APBA2: variants seen among roughly 807,000 people sequenced by gnomAD.
APBA2 encodes amyloid-beta A4 precursor protein-binding family A member 2.
APBA2 carries 30 observed loss-of-function variants against 75.0 expected under a neutral mutation model. The ratio of observed to expected loss-of-function variants is 0.40; its 90% CI spans 0.30 to 0.54. APBA2 has a LOEUF of 0.54. Ranked by LOEUF, APBA2 falls within the 20% of genes least tolerant of loss-of-function variation. The probability of loss-of-function intolerance (pLI) is 0.49; values close to 1 mark genes in which losing one functional copy is unlikely to be tolerated. For synonymous variants in APBA2, 444 were observed against 409.6 expected, an observed-to-expected ratio of 1.08 and a Z score of -1.01; for missense variants, 801 against 1,016.1, an observed-to-expected ratio of 0.79 and a Z score of 2.88.
chr15:28,941,273 C>G (rs892330546), intron 2 of APBA2, among the ~76,000 whole-genome samples: 6 of 152,096 alleles, frequency 3.9e-5, no homozygotes, highest in Admixed American at 6.6e-5. Context: ...GCTGGTGGCC[C>G]TGGGGCCTGC....
At chr15:29,116,415 G>A (rs111258309) in intron 14 of APBA2, among the ~76,000 whole-genome samples, 6,824 of 151,932 alleles carry the variant, frequency 0.045, 498 homozygotes, top group African/African-American at 0.15. Flanking sequence ...TCACGAGGTC[G>A]GGAGATTGAG....
At chr15:29,023,441 CTTTTTTTTTTTT>C (rs10604525) in intron 3 of APBA2, among the ~76,000 whole-genome samples, 899 of 73,266 alleles carry the variant, frequency 0.012, 7 homozygotes, top group Non-Finnish European at 0.018. Context: ...TACCTTTTTC[CTTTTTTTTTTTT>C]TTTTTTTTTT....
intron 3 of APBA2, among the ~76,000 whole-genome samples, chr15:29,022,329 C>T (rs1406194760): frequency 6.6e-6 from 1 of 152,172 alleles, no homozygotes; most frequent in Admixed American, 6.5e-5. Context: ...TTGATACTAG[C>T]CATTCTTACA....
At chr15:29,045,069 TTCTCTCTCTCTCTC>T (rs1555399868) in intron 3 of APBA2, among the ~76,000 whole-genome samples, 13 of 82,866 alleles carry the variant, frequency 1.6e-4, no homozygotes, top group Non-Finnish European at 2.0e-4. Context: ...CCCTCCCTCC[TTCTCTCTCTCTCTC>T]TCTCTCTCTC....
intron 1 of APBA2, chr15:28,894,169 C>T (rs1005369763): frequency 1.3e-5 from 2 of 152,272 alleles, no homozygotes; most frequent in Non-Finnish European, 2.9e-5. Flanking sequence ...TCCTTTGACA[C>T]TCAAGGACTC....
intron 1 of APBA2, among the ~76,000 whole-genome samples, chr15:28,909,960 C>A (rs2033351386): frequency 1.3e-5 from 2 of 152,062 alleles, no homozygotes; most frequent in African/African-American, 4.8e-5. Context: ...TGTACCAGAG[C>A]CGGGGAGGTC....
At position 28,963,362 on chromosome 15, in the gene APBA2, G is replaced by C. The variant is rs531286390; in HGVS notation, c.-94-32391G>C. Reference sequence around the variant, plus strand: ...GGGCATTGTTGAAGATCCTCAGCCAGTGAGGCGCCTTCCCTGTGCCCAGCA... The same window carrying C: ...GGGCATTGTTGAAGATCCTCAGCCACTGAGGCGCCTTCCCTGTGCCCAGCA... On this transcript the variant is annotated intron_variant, in intron 2 of 14. Transcript: ENST00000683413. Among the ~76,000 whole-genome samples, 570 of 152,352 alleles carry C rather than the reference G, an allele frequency of 3.7e-3. 1 individual carries two copies. Among genetic ancestry groups the C allele is most frequent in the Non-Finnish European group, 5.8e-3 (392 of 68,032 alleles).
intron 6 of APBA2, among the ~76,000 whole-genome samples, chr15:29,089,601 A>G (rs1384712643): frequency 1.3e-5 from 2 of 152,080 alleles, no homozygotes; most frequent in Non-Finnish European, 2.9e-5. Context: ...ATTTTCTTCA[A>G]AGGTGGCAGG....
At chr15:28,968,562 A>AT (rs1336898162) in intron 2 of APBA2, among the ~76,000 whole-genome samples, 2 of 152,158 alleles carry the variant, frequency 1.3e-5, no homozygotes, top group African/African-American at 4.8e-5. Context: ...CTTTCGCAGG[A>AT]TTAGAGGAAG....
At chr15:28,923,287 G>A (rs1207894777) in intron 2 of APBA2, among the ~76,000 whole-genome samples, 1 of 151,986 alleles carries the variant, frequency 6.6e-6, no homozygotes, top group Non-Finnish European at 1.5e-5. Context: ...TTCTTCCTCT[G>A]GATTTATCTC....
At chr15:28,966,951 C>T (rs1260763254) in intron 2 of APBA2, among the ~76,000 whole-genome samples, 4 of 152,138 alleles carry the variant, frequency 2.6e-5, no homozygotes, top group Non-Finnish European at 5.9e-5. Flanking sequence ...GTATTTCCTC[C>T]GTATCCACTG....
intron 2 of APBA2, among the ~76,000 whole-genome samples, chr15:28,939,731 A>G (rs759890385): frequency 1.3e-5 from 2 of 152,210 alleles, no homozygotes; most frequent in African/African-American, 4.8e-5. Context: ...GCCAAGGGTC[A>G]CTGCCTTCCC....
chr15:28,909,433 G>A (rs979190977), intron 1 of APBA2, among the ~76,000 whole-genome samples: 5 of 152,190 alleles, frequency 3.3e-5, no homozygotes, highest in African/African-American at 9.7e-5. Flanking sequence ...TGTAGCATGC[G>A]TCAGAACTTC....
At chr15:29,100,657 C>G (rs1699453429) in intron 9 of APBA2, among the ~76,000 whole-genome samples, 1 of 152,200 alleles carries the variant, frequency 6.6e-6, no homozygotes, top group Non-Finnish European at 1.5e-5. Context: ...TTTGGGCTCC[C>G]TGGGAAGAGC....
At chr15:28,933,654 A>T (rs953959417) in intron 2 of APBA2, among the ~76,000 whole-genome samples, 1 of 152,156 alleles carries the variant, frequency 6.6e-6, no homozygotes, top group Admixed American at 6.5e-5. Flanking sequence ...TTGAGTTAGG[A>T]GCGAAGTCCT....
chr15:28,987,008 G>C (rs1035361021), intron 2 of APBA2, among the ~76,000 whole-genome samples: 27 of 152,228 alleles, frequency 1.8e-4, no homozygotes, highest in Non-Finnish European at 3.7e-4. Context: ...GCTCAGGAGA[G>C]TTCTCTGGAG....
intron 4 of APBA2, among the ~76,000 whole-genome samples, chr15:29,072,256 G>A (rs2042656763): frequency 6.6e-6 from 1 of 152,140 alleles, no homozygotes; most frequent in South Asian, 2.1e-4. Context: ...AGTAAGGCAG[G>A]GAAGGCCTCC....
rs561587570 is a variant in APBA2, at chr15:29,016,069, C to T, written c.-41+20263C>T. On this transcript the variant is annotated intron_variant, in intron 3 of 14. Coordinates refer to ENST00000683413, the MANE Select transcript of APBA2 (RefSeq NM_001353788.2). The stretch of plus-strand genomic sequence containing the variant: ...GTCAAGAGATCGAGACCATCCTGGC[C>T]AACATGGTGAAACCCTGTCTCTACT... Among the ~76,000 whole-genome samples, 11 of 152,268 alleles carry T rather than the reference C, an allele frequency of 7.2e-5. No homozygotes were observed. In the South Asian group the frequency reaches 1.9e-3, roughly 26 times the overall value.
chr15:29,110,525 G>A (rs2152978003), intron 13 of APBA2, among the ~76,000 whole-genome samples: 1 of 152,322 alleles, frequency 6.6e-6, no homozygotes, highest in African/African-American at 2.4e-5. Context: ...GTGGCCTGGG[G>A]GCTACCTACT....
Sources: gnomAD v4.1 joint callset for allele counts (sites outside exome capture counted in the v4.1 genomes callset) on GRCh38, gnomAD v4.1.1 for gene constraint, MANE v1.5 for transcripts, NCBI Gene and HGNC (gene_info 2026-07-23, HGNC 2026-07-21) for gene names.